Variants in PRKN observed in about 807,000 individuals in gnomAD.
The protein encoded by PRKN is parkin RBR E3 ubiquitin protein ligase, also known as E3 ubiquitin-protein ligase parkin.
PRKN carries 56 observed loss-of-function variants against 59.5 expected under a neutral mutation model. That is an observed-to-expected ratio of 0.94 (90% CI 0.76 to 1.18). The LOEUF (loss-of-function observed/expected upper bound fraction) is 1.18, where lower values mean the gene tolerates loss of function less well. Ranked by LOEUF, PRKN falls within the 50% of genes most tolerant of loss-of-function variation. The pLI is 0.00. For synonymous variants in PRKN, 250 were observed against 222.1 expected (o/e 1.13, Z -1.12); for missense variants, 657 against 596.4 (o/e 1.10, Z -1.06).
At chr6:161,523,766 C>T (rs534610379) in intron 9 of PRKN, among the ~76,000 whole-genome samples, 3 of 152,068 alleles carry the variant, frequency 2.0e-5, no homozygotes, top group Non-Finnish European at 2.9e-5. Context: ...AAAATGGTAT[C>T]CTTTTATCTT....
In PRKN at chr6:161,458,168, G is replaced by C. The variant is rs1790054628; in HGVS notation, c.1084-71291C>G. 6.6e-6 allele frequency among the ~76,000 whole-genome samples: 1 copy of C among 152,212 alleles called. No homozygotes were observed. The highest frequency in any genetic ancestry group is 1.5e-5 in the Non-Finnish European group (1 of 68,028). On this transcript the variant is annotated intron_variant, in intron 9 of 11. Transcript: ENST00000366898. This position sits in a 1 kb window ranked among gnomAD's most constrained non-coding sequence, Gnocchi z 6.1. ...CTCCTTTAAGAAAACCTTTGGGTTT[G>C]ACAGAACATAAATAAATCTTAGTGC...
rs150152327 is a variant in PRKN, at chr6:161,468,624, G to A, written c.1083+80230C>T. On this transcript the variant is annotated intron_variant, in intron 9 of 11. Transcript: ENST00000366898. The surrounding 1 kb of genome is among the most constrained non-coding windows in gnomAD (Gnocchi z 5.9). ...ATATTTCAGGAAGGCTCAGATTTAA[G>A]TGAAGGTGTCACCACAGTCTAAGTT... Among the ~76,000 whole-genome samples, 34 of 152,312 alleles carry A rather than the reference G, an allele frequency of 2.2e-4. No individual in the cohort carries two copies. Among genetic ancestry groups the A allele is most frequent in the African/African-American group, 7.9e-4 (33 of 41,572 alleles).
At chr6:162,566,869 C>T (rs921525167) in intron 1 of PRKN, among the ~76,000 whole-genome samples, 1 of 151,998 alleles carries the variant, frequency 6.6e-6, no homozygotes, top group African/African-American at 2.4e-5. Flanking sequence ...AATATTGATG[C>T]AAAAATCCTC....
chr6:161,888,388 A>G (rs1451915117), intron 6 of PRKN, among the ~76,000 whole-genome samples: 1 of 152,154 alleles, frequency 6.6e-6, no homozygotes, highest in African/African-American at 2.4e-5. Flanking sequence ...TACAACCTCA[A>G]TGTTCTCACA....
chr6:162,461,499 CAAAAAAAAAAAAAAAAAAA>C (rs780424226), intron 1 of PRKN, among the ~76,000 whole-genome samples: 1 of 36,516 alleles, frequency 2.7e-5, no homozygotes, highest in African/African-American at 1.0e-4. Context: ...TAAAGTGTCT[CAAAAAAAAAAAAAAAAAAA>C]AAAAAAAAAA....
At chr6:162,677,602 C>G (rs1014623814) in intron 1 of PRKN, among the ~76,000 whole-genome samples, 7 of 151,858 alleles carry the variant, frequency 4.6e-5, no homozygotes, top group African/African-American at 1.7e-4. Flanking sequence ...TGGCCTGGAA[C>G]TCTGTCAGAG....
chr6:161,901,381 GA>G (rs1455504474), intron 6 of PRKN, among the ~76,000 whole-genome samples: 1 of 152,168 alleles, frequency 6.6e-6, no homozygotes, highest in Non-Finnish European at 1.5e-5. Flanking sequence ...CTGGGGGAGA[GA>G]AAAAGTAGGG....
chr6:161,619,240 TAAAAAAA>T (rs67512352), intron 7 of PRKN, among the ~76,000 whole-genome samples: 45 of 99,536 alleles, frequency 4.5e-4, no homozygotes, highest in African/African-American at 1.6e-3. Context: ...CTGTCTTCAT[TAAAAAAA>T]AAAAAAAAAA....
chr6:162,550,663 A>G (rs371631063), intron 1 of PRKN, among the ~76,000 whole-genome samples: 3 of 152,178 alleles, frequency 2.0e-5, no homozygotes, highest in African/African-American at 7.2e-5. Flanking sequence ...AGTCTATTTT[A>G]TTAATATCTA....
At chr6:162,338,771 G>A (rs1483067557) in intron 2 of PRKN, among the ~76,000 whole-genome samples, 96 of 150,112 alleles carry the variant, frequency 6.4e-4, no homozygotes, top group African/African-American at 1.3e-3. Context: ...AGTGAGGAGC[G>A]TCTCCGCCCG....
chr6:161,921,366 C>T (rs545845400), intron 6 of PRKN, among the ~76,000 whole-genome samples: 35 of 152,102 alleles, frequency 2.3e-4, no homozygotes, highest in African/African-American at 7.5e-4. Context: ...ACTGCTTTAC[C>T]GTTAACTTAT....
chr6:161,773,435 T>C (rs949066606), intron 7 of PRKN, among the ~76,000 whole-genome samples: 1 of 152,180 alleles, frequency 6.6e-6, no homozygotes, highest in African/African-American at 2.4e-5. Context: ...CTACTATCTG[T>C]TTATCTATCT....
intron 7 of PRKN, among the ~76,000 whole-genome samples, chr6:161,695,252 T>C (rs1453138054): frequency 1.3e-5 from 2 of 152,188 alleles, no homozygotes; most frequent in East Asian, 3.9e-4. Flanking sequence ...GGAAGAACCA[T>C]GGAGGTAGAA....
At chr6:161,600,497 C>A (rs997657867) in intron 7 of PRKN, among the ~76,000 whole-genome samples, 1 of 152,132 alleles carries the variant, frequency 6.6e-6, no homozygotes, top group Non-Finnish European at 1.5e-5. Context: ...ATAATTTGGG[C>A]CCAGTTTCTA....
At chr6:162,357,985 T>C (rs1784948525) in intron 2 of PRKN, among the ~76,000 whole-genome samples, 1 of 152,108 alleles carries the variant, frequency 6.6e-6, no homozygotes, top group Non-Finnish European at 1.5e-5. Context: ...GTTATAACGG[T>C]GGATACATGC....
intron 1 of PRKN, among the ~76,000 whole-genome samples, chr6:162,552,580 G>GA (rs1779374621): frequency 6.6e-6 from 1 of 151,962 alleles, no homozygotes; most frequent in Non-Finnish European, 1.5e-5. Flanking sequence ...AAGTTTCCAT[G>GA]AAAAAAAGCA....
rs527346336 is a variant in PRKN, at chr6:162,054,424, T to C, written c.535-250A>G. ...TCCAAACCTGTTCGTTTTCCACTTA[T>C]AGCCTCCCCCTACGGCTGAGGTTAA... On this transcript the variant is annotated intron_variant, in intron 4 of 11. Transcript: ENST00000366898. 2.2e-3 allele frequency among the ~76,000 whole-genome samples: 329 copies of C among 152,334 alleles called. 1 individual carries two copies. The highest frequency in any genetic ancestry group is 7.6e-3 in the African/African-American group (314 of 41,582).
intron 1 of PRKN, among the ~76,000 whole-genome samples, chr6:162,445,689 TAAAAAAA>T (rs71004091): frequency 2.4e-4 from 7 of 28,740 alleles, no homozygotes; most frequent in African/African-American, 1.2e-3. Flanking sequence ...AGACCTTGTC[TAAAAAAA>T]AAAAAAAAAA....
intron 2 of PRKN, among the ~76,000 whole-genome samples, chr6:162,380,453 A>G (rs184255952): frequency 4.4e-4 from 38 of 86,752 alleles, no homozygotes; most frequent in African/African-American, 2.1e-3. Context: ...ATATGTATAT[A>G]TACACACATA....
Sources: gnomAD v4.1 joint callset for allele counts (sites outside exome capture counted in the v4.1 genomes callset) on GRCh38, gnomAD v4.1.1 for gene constraint, Gnocchi (gnomAD v3.1) non-coding constraint, MANE v1.5 for transcripts, NCBI Gene and HGNC (gene_info 2026-07-23, HGNC 2026-07-21) for gene names.